Variants in ZNF407 observed in about 807,000 individuals in gnomAD.
ZNF407 encodes zinc finger protein 407.
ZNF407 carries 17 observed loss-of-function variants against 131.2 expected under a neutral mutation model. The observed-to-expected ratio is 0.13, with a 90% CI of 0.09 to 0.19. ZNF407 has a LOEUF of 0.19. ZNF407 is among the 10% of genes least tolerant of loss of function. The pLI is 1.00. For missense variants in ZNF407, 2,681 were observed against 2,830.6 expected, an observed-to-expected ratio of 0.95 and a Z score of 1.20; for synonymous variants, 1,156 against 1,062.0, an observed-to-expected ratio of 1.09 and a Z score of -1.72.
chr18:74,873,892 A>G (rs1431981761), intron 4 of ZNF407, among the ~76,000 whole-genome samples: 2 of 152,200 alleles, frequency 1.3e-5, no homozygotes, highest in African/African-American at 4.8e-5. Flanking sequence ...GGTATTATGT[A>G]GAACATTCAG....
intron 7 of ZNF407, among the ~76,000 whole-genome samples, chr18:74,902,839 G>A (rs761644873): frequency 1.7e-4 from 26 of 152,112 alleles, no homozygotes; most frequent in Non-Finnish European, 3.4e-4. Context: ...TCTTGCCTAT[G>A]GCAACGTAGT....
At chr18:74,785,909 CAT>C (rs1599152163) in intron 4 of ZNF407, among the ~76,000 whole-genome samples, 3 of 151,632 alleles carry the variant, frequency 2.0e-5, no homozygotes, top group East Asian at 1.9e-4. Flanking sequence ...ATGGGACACA[CAT>C]GTCACATGGC....
chr18:74,988,752 C>G (rs1254043167), intron 8 of ZNF407, among the ~76,000 whole-genome samples: 1 of 152,060 alleles, frequency 6.6e-6, no homozygotes, highest in East Asian at 1.9e-4. Flanking sequence ...CAGGACAATA[C>G]AATTAAAGCC....
intron 8 of ZNF407, among the ~76,000 whole-genome samples, chr18:75,046,998 A>G (rs1319236234): frequency 6.6e-6 from 1 of 152,236 alleles, no homozygotes; most frequent in Non-Finnish European, 1.5e-5. Flanking sequence ...TAATAGGGCT[A>G]TATCCAAAAT....
At chr18:74,860,424 A>G (rs1197877891) in intron 4 of ZNF407, among the ~76,000 whole-genome samples, 2 of 151,888 alleles carry the variant, frequency 1.3e-5, no homozygotes, top group Non-Finnish European at 2.9e-5. Flanking sequence ...TGTAATTGTT[A>G]AATAACTAAA....
At chr18:74,637,444 C>T (rs561676954) in intron 2 of ZNF407, among the ~76,000 whole-genome samples, 1 of 151,556 alleles carries the variant, frequency 6.6e-6, no homozygotes, top group East Asian at 1.9e-4. Context: ...ACAAAGTAAC[C>T]CTACTTATAT....
At chr18:75,045,943 G>C (rs958373501) in intron 8 of ZNF407, among the ~76,000 whole-genome samples, 1 of 152,030 alleles carries the variant, frequency 6.6e-6, no homozygotes, top group African/African-American at 2.4e-5. Context: ...CATTATCTTC[G>C]TGAATAGGTA....
At chr18:74,992,793 A>G (rs368036519) in intron 8 of ZNF407, among the ~76,000 whole-genome samples, 9 of 152,258 alleles carry the variant, frequency 5.9e-5, no homozygotes, top group African/African-American at 7.2e-5. Context: ...GAACATTCTC[A>G]CTTCAATTTT....
intron 3 of ZNF407, among the ~76,000 whole-genome samples, chr18:74,701,059 GTCTC>G (rs1182729476): frequency 6.6e-6 from 1 of 152,172 alleles, no homozygotes; most frequent in Non-Finnish European, 1.5e-5. Context: ...ACAGACAGCT[GTCTC>G]TCTCCTCCTC....
At chr18:74,693,426 CTG>C (rs1166474643) in intron 3 of ZNF407, among the ~76,000 whole-genome samples, 8 of 152,134 alleles carry the variant, frequency 5.3e-5, no homozygotes, top group Admixed American at 4.6e-4. Context: ...GTGTGTTTAA[CTG>C]TTTTTATAGT....
intron 3 of ZNF407, among the ~76,000 whole-genome samples, chr18:74,752,112 T>C (rs770964241): frequency 6.6e-6 from 1 of 152,246 alleles, no homozygotes; most frequent in Non-Finnish European, 1.5e-5. Flanking sequence ...TTTGCATTTC[T>C]CTGATGGCCA....
At position 74,677,530 on chromosome 18, in the gene ZNF407, C is replaced by G. The variant is rs1986442529; in HGVS notation, c.4802+36408C>G. Among the ~76,000 whole-genome samples the G allele has an allele frequency of 3.3e-5, 5 of 151,250 alleles. No homozygotes were observed. The South Asian group carries it at 1.0e-3, about 32-fold the overall frequency. ...TTTTATATTTGTCTGATAGTATTTT[C>G]TTTTTTTTTCCCCTCAACTTCCTTT... is the stretch of plus-strand genomic sequence containing the variant. On this transcript the variant is annotated intron_variant, in intron 3 of 8. Transcript: ENST00000299687.
chr18:74,752,045 C>G (rs1271844820), intron 3 of ZNF407, among the ~76,000 whole-genome samples: 1 of 152,178 alleles, frequency 6.6e-6, no homozygotes, highest in Non-Finnish European at 1.5e-5. Context: ...TGTTGCCTGA[C>G]TTTTTAAATG....
At chr18:75,059,144 G>A (rs1599316283) in intron 8 of ZNF407, among the ~76,000 whole-genome samples, 1 of 152,298 alleles carries the variant, frequency 6.6e-6, no homozygotes, top group East Asian at 1.9e-4. Context: ...TACATTAATG[G>A]TCTGGAAGTG....
intron 2 of ZNF407, 23 bp from the exon 3 acceptor site, chr18:74,640,985 T>C: frequency 6.5e-7 from 1 of 1,548,374 alleles, no homozygotes; most frequent in South Asian, 1.1e-5. Context: ...AATCAAATCA[T>C]ATTTTATGTT....
intron 4 of ZNF407, among the ~76,000 whole-genome samples, chr18:74,835,624 AGG>A (rs372471246): frequency 0.035 from 2,266 of 64,690 alleles, 44 homozygotes; most frequent in African/African-American, 0.076. Flanking sequence ...TCTTGGACAG[AGG>A]GGGGTGTGTG....
intron 8 of ZNF407, among the ~76,000 whole-genome samples, chr18:74,974,755 A>G (rs1375574514): frequency 6.6e-6 from 1 of 152,210 alleles, no homozygotes; most frequent in East Asian, 1.9e-4. Flanking sequence ...AAAGTTGTGC[A>G]TCTCTGATAT....
intron 8 of ZNF407, among the ~76,000 whole-genome samples, chr18:75,054,951 A>G (rs569138107): frequency 6.6e-6 from 1 of 152,336 alleles, no homozygotes; most frequent in South Asian, 2.1e-4. Flanking sequence ...ACTAATGCTC[A>G]CACACGTGTC....
intron 1 of ZNF407, among the ~76,000 whole-genome samples, chr18:74,602,843 G>A (rs1470520592): frequency 3.3e-5 from 5 of 152,124 alleles, no homozygotes; most frequent in South Asian, 2.1e-4. Context: ...AGATCCAGAA[G>A]GGTAGGATAA....
Sources: allele counts gnomAD v4.1 joint callset (sites outside exome capture counted in the v4.1 genomes callset), GRCh38; gene constraint gnomAD v4.1.1; transcripts MANE v1.5; gene names NCBI Gene and HGNC (gene_info 2026-07-23, HGNC 2026-07-21).